Variants in PHF20L1 observed in about 807,000 individuals in gnomAD.
PHF20L1 encodes PHD finger protein 20-like protein 1.
Under a neutral mutation model 125.5 loss-of-function variants are expected in PHF20L1, and 44 were observed. The observed-to-expected ratio is 0.35, with a 90% CI of 0.28 to 0.45. The LOEUF is 0.45. PHF20L1 is among the 20% of genes least tolerant of loss of function. The pLI is 1.00. For missense variants in PHF20L1, 1,012 were observed against 1,217.2 expected, an observed-to-expected ratio of 0.83 and a Z score of 2.51; for synonymous variants, 380 against 403.1, an observed-to-expected ratio of 0.94 and a Z score of 0.69.
rs201147534 is a variant in PHF20L1, at chr8:132,835,997, G to GT, written c.1910-532dup. Among the ~76,000 whole-genome samples the GT allele has an allele frequency of 4.4e-3, 652 of 147,134 alleles. 4 individuals are homozygous for GT. Among genetic ancestry groups the GT allele is most frequent in the African/African-American group, 0.013 (513 of 40,406 alleles). On this transcript the variant is annotated intron_variant, in intron 15 of 20. Transcript: ENST00000395386. ...AAACCCGTCCTCTTTACAATTCAGA[G>GT]TTTTTTTTTTTAAGTGATTTTTCAA...
intron 4 of PHF20L1, among the ~76,000 whole-genome samples, chr8:132,796,903 A>G (rs1832455059): frequency 6.6e-6 from 1 of 152,120 alleles, no homozygotes; most frequent in African/African-American, 2.4e-5. Flanking sequence ...ACATTAATTC[A>G]TAACAGTTTC....
chr8:132,781,081 C>T (rs1830373800), intron 2 of PHF20L1, among the ~76,000 whole-genome samples: 1 of 151,880 alleles, frequency 6.6e-6, no homozygotes, highest in South Asian at 2.1e-4. Flanking sequence ...GAATTCCTGG[C>T]CTCAAATGAT....
intron 14 of PHF20L1, among the ~76,000 whole-genome samples, chr8:132,830,943 T>C (rs1297620745): frequency 6.6e-6 from 1 of 152,078 alleles, no homozygotes; most frequent in Non-Finnish European, 1.5e-5. Context: ...TCAATCTTGA[T>C]AATGCCGTCT....
At chr8:132,805,772 A>G (rs1833616987) in intron 8 of PHF20L1, among the ~76,000 whole-genome samples, 1 of 151,978 alleles carries the variant, frequency 6.6e-6, no homozygotes, top group South Asian at 2.1e-4. Context: ...TATATTGTTC[A>G]TCTAAGTGAT....
At chr8:132,777,958 C>T (rs763679706) in intron 2 of PHF20L1, 47 bp downstream of exon 2, 2 of 1,126,398 alleles carry the variant, frequency 1.8e-6, no homozygotes, top group Admixed American at 1.8e-5. Flanking sequence ...ATATCTGTAG[C>T]CTTACATATG....
At position 132,814,650 on chromosome 8, in the gene PHF20L1, A is replaced by T; in HGVS notation, c.944A>T (p.Lys315Ile). The stretch of plus-strand genomic sequence containing the variant: ...TTATTTATTCAGGCGATTTCACCTA[A>T]ACCTCAAAGTCAGAAAAAAAATGAA... ...APMLEQAISP[K>I]PQSQKKNEAD... is the part of the protein sequence containing the mutation. Residue 315 changes from lysine to isoleucine, a missense_variant, in exon 10 of 21, where the codon AAA becomes ATA. This residue lies in a region of PHF20L1 where 119 missense variants were observed against 160.2 expected (regional missense o/e 0.74). Coordinates refer to ENST00000395386, the MANE Select transcript of PHF20L1 (RefSeq NM_016018.5). The T allele has an allele frequency of 6.3e-7, 1 of 1,593,744 alleles. No homozygotes were observed. Among genetic ancestry groups the T allele is most frequent in the Non-Finnish European group, 8.5e-7 (1 of 1,170,754 alleles).
At chr8:132,785,602 T>C (rs1830924111) in intron 2 of PHF20L1, among the ~76,000 whole-genome samples, 1 of 152,164 alleles carries the variant, frequency 6.6e-6, no homozygotes. Context: ...TTTGAAGAAG[T>C]GTTGACCACT....
chr8:132,793,331 C>T (rs1007462721), intron 2 of PHF20L1, among the ~76,000 whole-genome samples: 12 of 152,006 alleles, frequency 7.9e-5, no homozygotes, highest in East Asian at 3.9e-4. Context: ...GAAGCTCTAC[C>T]GGAGAATGAT....
intron 9 of PHF20L1, chr8:132,812,505 A>G: frequency 1.0e-6 from 1 of 984,744 alleles, no homozygotes; most frequent in Non-Finnish European, 1.2e-6. Context: ...CTATTTTCAT[A>G]ATTAAAAACT....
chr8:132,847,923 G>A lies in PHF20L1; in HGVS notation c.*2000G>A, dbSNP rs1838530295. ...TGATTGATACTATTATTTTTCCTTT[G>A]CATTTTAAAATAGTGGCTCTAATAT... On this transcript the variant is annotated 3_prime_UTR_variant, in exon 21 of 21. Transcript: ENST00000395386. The A allele has an allele frequency of 6.6e-6, 1 of 152,026 alleles. No homozygotes were observed. Among genetic ancestry groups the A allele is most frequent in the Non-Finnish European group, 1.5e-5 (1 of 67,952 alleles). The allele number at this position is 152,026 out of a possible 1,614,324, so 9.4% of individuals were successfully genotyped here.
chr8:132,814,713 C>G lies in PHF20L1; in HGVS notation c.1007C>G (p.Ala336Gly), dbSNP rs776745593. The G allele has an allele frequency of 6.2e-7, 1 of 1,612,362 alleles. No individual in the cohort carries two copies. Among genetic ancestry groups the G allele is most frequent in the Non-Finnish European group, 8.5e-7 (1 of 1,178,704 alleles). Residue 336 changes from alanine to glycine, a missense_variant, in exon 10 of 21, where the codon GCA becomes GGA. By Grantham distance (60) the Ala-to-Gly change is moderately conservative. This residue lies in a region of PHF20L1 where 119 missense variants were observed against 160.2 expected (regional missense o/e 0.74). Transcript: ENST00000395386. ...ISSSANTQKP[A>G]LLSSTLSSGK... ...AGTTCTGCCAACACTCAGAAACCTG[C>G]ACTGTTATCCTCAACTTTGTCTTCA... is the stretch of plus-strand genomic sequence containing the variant.
chr8:132,818,840 T>TA (rs1201128808), intron 12 of PHF20L1: 1 of 151,930 alleles, frequency 6.6e-6, no homozygotes, highest in Non-Finnish European at 1.5e-5. Context: ...AAAAATATGT[T>TA]AAAGTTATAA....
intron 2 of PHF20L1, among the ~76,000 whole-genome samples, chr8:132,783,345 T>C (rs1213954140): frequency 5.9e-5 from 9 of 152,220 alleles, no homozygotes; most frequent in Admixed American, 5.9e-4. Context: ...TTGAACTGTA[T>C]GGAACATTTG....
intron 9 of PHF20L1, chr8:132,812,315 C>T: frequency 2.0e-6 from 2 of 984,822 alleles, no homozygotes; most frequent in Non-Finnish European, 2.4e-6. Flanking sequence ...CTGGAAAATT[C>T]ATTACAATGT....
chr8:132,833,795 CCTTATGATCAAGTA>C (rs1837043929), intron 15 of PHF20L1, among the ~76,000 whole-genome samples: 2 of 152,042 alleles, frequency 1.3e-5, no homozygotes. Flanking sequence ...TCTGCCCTGC[CCTTATGATCAAGTA>C]CTAAGTCAGG....
At chr8:132,808,746 T>C (rs955604643) in intron 8 of PHF20L1, 2 of 151,920 alleles carry the variant, frequency 1.3e-5, no homozygotes, top group African/African-American at 4.8e-5. Context: ...GAAGCTGTTT[T>C]TGTAAAATTG....
chr8:132,836,660 C>T lies in PHF20L1; in HGVS notation c.2030C>T (p.Ala677Val), dbSNP rs1339127762. The change falls in exon 16 of 21, where the codon GCT becomes GTT. Residue 677 changes from alanine (A) to valine (V), a missense_variant. Around this residue, in one of 7 missense-constraint regions of PHF20L1, gnomAD observed 320 missense variants for 293.8 expected, o/e 1.09. Coordinates refer to ENST00000395386, the MANE Select transcript of PHF20L1 (RefSeq NM_016018.5). ...NFEESQDEDD[A>V]LNEIVRCICE... ...GAGGAATCTCAGGATGAGGATGATGCTCTTAATGAAATTGTGCGATGTATT... is the reference window on the plus strand; with the variant it reads ...GAGGAATCTCAGGATGAGGATGATGTTCTTAATGAAATTGTGCGATGTATT... 6.2e-7 allele frequency: 1 copy of T among 1,613,102 alleles called. No homozygotes were observed. The highest frequency in any genetic ancestry group is 1.3e-5 in the African/African-American group (1 of 74,958).
intron 10 of PHF20L1, chr8:132,816,317 T>C (rs1834975594): frequency 6.6e-6 from 1 of 151,304 alleles, no homozygotes; most frequent in South Asian, 2.1e-4. Flanking sequence ...ACAAAGTTGT[T>C]TTTGTTCATT....
intron 4 of PHF20L1, among the ~76,000 whole-genome samples, chr8:132,796,291 A>T (rs886596550): frequency 7.2e-5 from 11 of 152,188 alleles, no homozygotes; most frequent in Admixed American, 6.6e-4. Flanking sequence ...CAGGTTGGAG[A>T]GAAAGGCAAA....
Sources: allele counts gnomAD v4.1 joint callset (sites outside exome capture counted in the v4.1 genomes callset), GRCh38; gene constraint gnomAD v4.1.1; regional missense constraint gnomAD v4.1.1; transcripts MANE v1.5; gene names NCBI Gene and HGNC (gene_info 2026-07-23, HGNC 2026-07-21).